Variants in LMX1A observed in about 807,000 individuals in gnomAD.
LMX1A encodes the protein LIM homeobox transcription factor 1 alpha.
In LMX1A, 15 loss-of-function variants were observed where a neutral mutation model predicts 49.1. That is an observed-to-expected ratio of 0.31 (90% CI 0.20 to 0.47). LMX1A has a LOEUF of 0.47. LMX1A is among the 20% of genes least tolerant of loss of function. LMX1A has a pLI of 1.00. For synonymous variants in LMX1A, 167 were observed against 185.7 expected (o/e 0.90, Z 0.82); for missense variants, 372 against 475.8 (o/e 0.78, Z 2.03).
At chr1:165,243,283 G>T (rs1393223030) in intron 4 of LMX1A, among the ~76,000 whole-genome samples, 2 of 152,182 alleles carry the variant, frequency 1.3e-5, no homozygotes, top group African/African-American at 2.4e-5. Flanking sequence ...AAAATGTAAA[G>T]ATAAGAGGGG....
At chr1:165,311,265 G>T (rs1226332939) in intron 3 of LMX1A, among the ~76,000 whole-genome samples, 1 of 152,196 alleles carries the variant, frequency 6.6e-6, no homozygotes, top group Non-Finnish European at 1.5e-5. Flanking sequence ...TTTATTGGAG[G>T]TTCCTAATTA....
At chr1:165,313,256 A>G (rs1214662810) in intron 3 of LMX1A, among the ~76,000 whole-genome samples, 1 of 152,210 alleles carries the variant, frequency 6.6e-6, no homozygotes, top group African/African-American at 2.4e-5. Flanking sequence ...GGAGCAGCAG[A>G]TGATTAAACC....
intron 3 of LMX1A, among the ~76,000 whole-genome samples, chr1:165,289,250 AAAAAAG>A (rs1654392138): frequency 6.6e-6 from 1 of 152,128 alleles, no homozygotes; most frequent in Non-Finnish European, 1.5e-5. Flanking sequence ...GATAAAAAAA[AAAAAAG>A]AGAGAGAGAG....
Position 165,337,698 on chromosome 1 carries a change from G to A in LMX1A, c.263+15378C>T, listed in dbSNP as rs960124510. On this transcript the variant is annotated intron_variant, in intron 3 of 8. Coordinates refer to ENST00000342310, the MANE Select transcript of LMX1A (RefSeq NM_177398.4). ...AATAGCTTGCTTGTGGCTGGTTATC[G>A]CCGTTATTTACCTCTTGGTGCCCCT... Among the ~76,000 whole-genome samples the A allele has an allele frequency of 5.3e-5, 8 of 152,172 alleles. No homozygotes were observed. The South Asian group carries it at 6.2e-4, about 12-fold the overall frequency.
At chr1:165,318,475 T>A (rs534348412) in intron 3 of LMX1A, among the ~76,000 whole-genome samples, 1 of 151,804 alleles carries the variant, frequency 6.6e-6, no homozygotes, top group African/African-American at 2.4e-5. Flanking sequence ...TTATATAATT[T>A]TTTTTTCTCT....
At chr1:165,258,541 AG>A (rs1374131137) in intron 3 of LMX1A, among the ~76,000 whole-genome samples, 1 of 152,206 alleles carries the variant, frequency 6.6e-6, no homozygotes, top group Non-Finnish European at 1.5e-5. Context: ...AGAGCCAATC[AG>A]GGTCTCTGTC....
intron 3 of LMX1A, among the ~76,000 whole-genome samples, chr1:165,334,863 G>A (rs1655854640): frequency 6.7e-6 from 1 of 148,238 alleles, no homozygotes; most frequent in Non-Finnish European, 1.5e-5. Flanking sequence ...TGGCCACCGT[G>A]CCTGGGAGCT....
chr1:165,274,789 TG>T (rs1653912857), intron 3 of LMX1A, among the ~76,000 whole-genome samples: 1 of 152,168 alleles, frequency 6.6e-6, no homozygotes, highest in Admixed American at 6.5e-5. Flanking sequence ...GGTGAAACAC[TG>T]GTGGGAACCC....
chr1:165,323,862 T>C (rs1655494804), intron 3 of LMX1A, among the ~76,000 whole-genome samples: 1 of 152,260 alleles, frequency 6.6e-6, no homozygotes, highest in Non-Finnish European at 1.5e-5. Context: ...GGCAAAGACT[T>C]TGACTTGTTT....
intron 4 of LMX1A, among the ~76,000 whole-genome samples, chr1:165,228,722 C>T (rs996270729): frequency 2.6e-5 from 4 of 152,188 alleles, no homozygotes; most frequent in African/African-American, 9.7e-5. Context: ...GGCAAACATT[C>T]ACCCCAGGAT....
chr1:165,229,735 T>G (rs766652754), intron 4 of LMX1A, among the ~76,000 whole-genome samples: 57 of 152,268 alleles, frequency 3.7e-4, no homozygotes, highest in Non-Finnish European at 2.6e-4. Flanking sequence ...TTTTTTGTTT[T>G]TTGTTGTTGT....
chr1:165,245,182 G>A (rs1652797925), intron 4 of LMX1A, among the ~76,000 whole-genome samples: 1 of 152,086 alleles, frequency 6.6e-6, no homozygotes, highest in African/African-American at 2.4e-5. Context: ...TGGGGTACAA[G>A]TGATCTGATC....
chr1:165,327,179 T>C (rs1427976877), intron 3 of LMX1A, among the ~76,000 whole-genome samples: 1 of 152,084 alleles, frequency 6.6e-6, no homozygotes, highest in African/African-American at 2.4e-5. Flanking sequence ...GTTCATTGGC[T>C]GGAAGAAGGT....
intron 3 of LMX1A, among the ~76,000 whole-genome samples, chr1:165,297,486 C>A (rs572361080): frequency 6.6e-6 from 1 of 152,334 alleles, no homozygotes; most frequent in South Asian, 2.1e-4. Context: ...AAAACAAAGT[C>A]TCTGGCTGTC....
intron 3 of LMX1A, among the ~76,000 whole-genome samples, chr1:165,342,647 A>C (rs1368354058): frequency 6.6e-6 from 1 of 152,050 alleles, no homozygotes; most frequent in Non-Finnish European, 1.5e-5. Flanking sequence ...ATATGAGCTG[A>C]TTTCTCATAC....
chr1:165,292,061 C>CAAAA (rs771664986), intron 3 of LMX1A, among the ~76,000 whole-genome samples: 60 of 82,490 alleles, frequency 7.3e-4, no homozygotes, highest in Non-Finnish European at 1.0e-3. Flanking sequence ...AACTCCGTCT[C>CAAAA]AAAAAAAAAA....
intron 3 of LMX1A, among the ~76,000 whole-genome samples, chr1:165,343,343 T>C (rs1236417555): frequency 1.3e-5 from 2 of 151,938 alleles, no homozygotes; most frequent in East Asian, 3.9e-4. Context: ...TACACTGTCT[T>C]GGCTTATCAT....
At chr1:165,241,944 T>G (rs1293895044) in intron 4 of LMX1A, among the ~76,000 whole-genome samples, 9 of 152,080 alleles carry the variant, frequency 5.9e-5, no homozygotes, top group Non-Finnish European at 1.0e-4. Flanking sequence ...ATCTTCCAAA[T>G]CAAAACATCC....
intron 4 of LMX1A, among the ~76,000 whole-genome samples, chr1:165,226,385 C>T (rs1652036728): frequency 6.6e-6 from 1 of 152,190 alleles, no homozygotes. Flanking sequence ...GTTTGCAAGA[C>T]TGGTGAATTC....
Sources: gnomAD v4.1 joint callset for allele counts (sites outside exome capture counted in the v4.1 genomes callset) on GRCh38, gnomAD v4.1.1 for gene constraint, MANE v1.5 for transcripts, NCBI Gene and HGNC (gene_info 2026-07-23, HGNC 2026-07-21) for gene names.